The following ZNF564 variants were observed in gnomAD, a reference collection of about 807,000 sequenced individuals.
ZNF564 encodes zinc finger protein 564.
ZNF564 carries 5 observed loss-of-function variants against 10.5 expected under a neutral mutation model. The ratio of observed to expected loss-of-function variants is 0.48; its 90% confidence interval spans 0.25 to 1.00. The LOEUF (loss-of-function observed/expected upper bound fraction) is 1.00. ZNF564 is among the 50% of genes least tolerant of loss of function. The probability of loss-of-function intolerance (pLI) is 0.16; values close to 1 mark genes in which losing one functional copy is unlikely to be tolerated. For synonymous variants in ZNF564, 242 were observed against 218.1 expected (o/e 1.11, Z -0.97); for missense variants, 603 against 669.7 (o/e 0.90, Z 1.10).
intron 1 of ZNF564, among the ~76,000 whole-genome samples, chr19:12,534,777 G>T (rs1335193021): frequency 6.6e-6 from 1 of 152,194 alleles, no homozygotes; most frequent in African/African-American, 2.4e-5. Flanking sequence ...TCTTGACACT[G>T]CACTCCAGCC....
intron 1 of ZNF564, among the ~76,000 whole-genome samples, chr19:12,536,992 T>C (rs1002304287): frequency 7.2e-5 from 11 of 152,152 alleles, no homozygotes; most frequent in African/African-American, 2.7e-4. Context: ...CTTCTGCCAG[T>C]CCCCAGCCCT....
At position 12,525,554 on chromosome 19, in the gene ZNF564, G is replaced by C. The variant is rs1186137586; in HGVS notation, c.*892C>G. 6.6e-6 allele frequency: 1 copy of C among 152,132 alleles called. No individual in the cohort carries two copies. The highest frequency in any genetic ancestry group is 1.5e-5 in the Non-Finnish European group (1 of 68,028). 9.4% of individuals were successfully genotyped at this position (152,132 alleles called of 1,614,324 possible). The stretch of plus-strand genomic sequence containing the variant: ...GAGATGCTATGTATGTCTTGAGTTT[G>C]ATTTGTATTTCCCTAATGACTAAAG... On this transcript the variant is annotated 3_prime_UTR_variant, in exon 4 of 4. Coordinates refer to ENST00000339282, the MANE Select transcript of ZNF564 (RefSeq NM_144976.4).
In ZNF564 at chr19:12,551,317, C is replaced by A; in HGVS notation, c.3+13G>T. On this transcript the variant is annotated intron_variant, in intron 1 of 3. Coordinates refer to ENST00000339282, the MANE Select transcript of ZNF564 (RefSeq NM_144976.4). ...CTCCCCCAGTCTCCAGGCGCCCGGCCCCGCACACGCACCATTTCCTGGCTT... is the reference window on the plus strand; with the variant it reads ...CTCCCCCAGTCTCCAGGCGCCCGGCACCGCACACGCACCATTTCCTGGCTT... 6.2e-7 allele frequency: 1 copy of A among 1,607,388 alleles called. No homozygotes were observed. Among genetic ancestry groups the A allele is most frequent in the Non-Finnish European group, 8.5e-7 (1 of 1,177,110 alleles).
At chr19:12,535,690 T>G (rs1037959478) in intron 1 of ZNF564, among the ~76,000 whole-genome samples, 1 of 152,162 alleles carries the variant, frequency 6.6e-6, no homozygotes, top group Admixed American at 6.6e-5. Context: ...TCAACTGTAG[T>G]AAATGTACCA....
chr19:12,545,076 C>T (rs1318740707), intron 1 of ZNF564, among the ~76,000 whole-genome samples: 1 of 151,830 alleles, frequency 6.6e-6, no homozygotes, highest in Non-Finnish European at 1.5e-5. Context: ...CTGGCCAACA[C>T]GGAGAAACCC....
chr19:12,536,893 T>C (rs1353674986), intron 1 of ZNF564, among the ~76,000 whole-genome samples: 2 of 152,184 alleles, frequency 1.3e-5, no homozygotes, highest in African/African-American at 4.8e-5. Flanking sequence ...TGGTTTTTAG[T>C]ATATATGTGC....
At chr19:12,528,881 T>G (rs191647323) in intron 1 of ZNF564, among the ~76,000 whole-genome samples, 185 bp from the exon 2 acceptor site, 1 of 152,068 alleles carries the variant, frequency 6.6e-6, no homozygotes, top group African/African-American at 2.4e-5. Context: ...CCGGTCAACA[T>G]GGTGAAACCC....
At position 12,534,750 on chromosome 19, in the gene ZNF564, G is replaced by T. The variant is rs563286762; in HGVS notation, c.4-6054C>A. The stretch of plus-strand genomic sequence containing the variant: ...AATTGTCTGAGCCCAGGAGGTGGAG[G>T]CTGCAGTAAGCCGAGATCTTGACAC... On this transcript the variant is annotated intron_variant, in intron 1 of 3. Transcript: ENST00000339282. Among the ~76,000 whole-genome samples, 4 of 152,236 alleles carry T rather than the reference G, an allele frequency of 2.6e-5. No individual in the cohort carries two copies. In the East Asian group the frequency reaches 7.7e-4, roughly 29 times the overall value.
intron 1 of ZNF564, among the ~76,000 whole-genome samples, chr19:12,548,373 C>T (rs2022192243): frequency 6.6e-6 from 1 of 151,934 alleles, no homozygotes; most frequent in Non-Finnish European, 1.5e-5. Context: ...CACACCGCCA[C>T]ACCCGGCTAA....
chr19:12,545,536 AACATGCCAGTTC>A (rs1271866274), intron 1 of ZNF564, among the ~76,000 whole-genome samples: 1 of 152,154 alleles, frequency 6.6e-6, no homozygotes, highest in African/African-American at 2.4e-5. Context: ...TCAGTCTCAC[AACATGCCAGTTC>A]ACATGCCAGT....
At chr19:12,534,427 G>A (rs920281235) in intron 1 of ZNF564, among the ~76,000 whole-genome samples, 1 of 152,138 alleles carries the variant, frequency 6.6e-6, no homozygotes, top group Non-Finnish European at 1.5e-5. Flanking sequence ...CCAAATGATG[G>A]CAAAGATGTG....
chr19:12,549,834 G>A (rs1033617488), intron 1 of ZNF564, among the ~76,000 whole-genome samples: 16 of 152,182 alleles, frequency 1.1e-4, no homozygotes, highest in African/African-American at 3.9e-4. Flanking sequence ...AGAAGTGGCA[G>A]CTGTGGGTAT....
intron 1 of ZNF564, among the ~76,000 whole-genome samples, chr19:12,544,576 C>T (rs565701305): frequency 2.6e-5 from 4 of 152,154 alleles, no homozygotes; most frequent in African/African-American, 9.7e-5. Context: ...TGACCACCTC[C>T]GCATGAGACG....
intron 1 of ZNF564, among the ~76,000 whole-genome samples, chr19:12,533,306 TAAAATG>T (rs1163274116): frequency 2.0e-5 from 3 of 152,096 alleles, no homozygotes; most frequent in African/African-American, 7.2e-5. Context: ...ATTTTTGACC[TAAAATG>T]AAAATGAAAA....
At chr19:12,535,991 G>A (rs1196404192) in intron 1 of ZNF564, among the ~76,000 whole-genome samples, 17 of 142,924 alleles carry the variant, frequency 1.2e-4, no homozygotes, top group African/African-American at 3.6e-4. Flanking sequence ...CCAGAGTGGC[G>A]ACAGAGCGTG....
intron 1 of ZNF564, among the ~76,000 whole-genome samples, chr19:12,538,628 A>T (rs1328410111): frequency 6.6e-6 from 1 of 151,902 alleles, no homozygotes; most frequent in Non-Finnish European, 1.5e-5. Context: ...CTGTCTAAAA[A>T]AAATAAATAA....
intron 1 of ZNF564, chr19:12,529,984 CAAAAAAAA>C (rs553631056): frequency 3.9e-5 from 2 of 51,838 alleles, no homozygotes. Context: ...AACTCTGTCT[CAAAAAAAA>C]AAAAAAAAAG....
rs893213673 is a variant in ZNF564, at chr19:12,526,324, C to T, written c.*122G>A. On this transcript the variant is annotated 3_prime_UTR_variant, in exon 4 of 4. Coordinates refer to ENST00000339282, the MANE Select transcript of ZNF564 (RefSeq NM_144976.4). ...TGAGACAGGCACAGGATAGAGATTC[C>T]TATTCCAAAAGTGAGAAACAGGAGA... 2.1e-5 allele frequency: 22 copies of T among 1,040,740 alleles called. No homozygotes were observed. Among genetic ancestry groups the T allele is most frequent in the Non-Finnish European group, 3.0e-5 (22 of 724,664 alleles). 64.5% of individuals were successfully genotyped at this position (1,040,740 alleles called of 1,614,324 possible).
At chr19:12,527,954 C>T (rs770087198) in intron 3 of ZNF564, 38 bp from the exon 4 acceptor site, 4 of 1,538,116 alleles carry the variant, frequency 2.6e-6, no homozygotes, top group Admixed American at 4.3e-5. Context: ...TGGTTTGTGA[C>T]TTTATATTTA....
Sources: gnomAD v4.1 joint callset for allele counts (sites outside exome capture counted in the v4.1 genomes callset) on GRCh38, gnomAD v4.1.1 for gene constraint, MANE v1.5 for transcripts, NCBI Gene and HGNC (gene_info 2026-07-23, HGNC 2026-07-21) for gene names.